The following NRXN1 variants were observed in gnomAD, a reference collection of about 807,000 sequenced individuals.
NRXN1 encodes the protein neurexin 1.
Under a neutral mutation model 150.9 loss-of-function variants are expected in NRXN1, and 39 were observed. That is an observed-to-expected ratio of 0.26 (90% CI 0.20 to 0.34). NRXN1 has a LOEUF of 0.34. Ranked by LOEUF, NRXN1 falls within the 10% of genes least tolerant of loss-of-function variation. NRXN1 has a pLI of 1.00. For missense variants in NRXN1, 1,815 were observed against 1,949.9 expected, an observed-to-expected ratio of 0.93 and a Z score of 1.30; for synonymous variants, 924 against 757.0, an observed-to-expected ratio of 1.22 and a Z score of -3.62.
At chr2:50,249,093 G>T (rs925829279) in intron 17 of NRXN1, among the ~76,000 whole-genome samples, 1 of 150,814 alleles carries the variant, frequency 6.6e-6, no homozygotes, top group African/African-American at 2.4e-5. Flanking sequence ...GGAGTTTAAG[G>T]CTGCAGTGAG....
intron 5 of NRXN1, among the ~76,000 whole-genome samples, chr2:50,664,685 T>C (rs1574021242): frequency 6.6e-6 from 1 of 151,628 alleles, no homozygotes; most frequent in Middle Eastern, 3.4e-3. Context: ...AACTCTGCCA[T>C]GAGTTTAAAA....
At chr2:50,430,159 A>G (rs2084844717) in intron 17 of NRXN1, among the ~76,000 whole-genome samples, 1 of 152,080 alleles carries the variant, frequency 6.6e-6, no homozygotes, top group Admixed American at 6.6e-5. Flanking sequence ...ATTGAACTCT[A>G]TTTTTGTCAT....
At chr2:50,934,112 C>T (rs1409392782) in intron 2 of NRXN1, among the ~76,000 whole-genome samples, 1 of 152,086 alleles carries the variant, frequency 6.6e-6, no homozygotes, top group Non-Finnish European at 1.5e-5. Context: ...CCTCCCTAAA[C>T]ATCAGTACCA....
intron 5 of NRXN1, among the ~76,000 whole-genome samples, chr2:50,666,878 G>GGT (rs1559097612): frequency 1.6e-5 from 2 of 128,780 alleles, no homozygotes; most frequent in African/African-American, 5.8e-5. Flanking sequence ...TGATGATGAT[G>GGT]ATGTGTGTGT....
rs151037864 is a variant in NRXN1, at chr2:50,993,238, G to A, written c.772+34264C>T. Reference sequence around the variant, plus strand: ...ATATTGGAAGATATCATTAATAGACGATAATCTAAGTCTTTCATTTTACAA... The same window carrying A: ...ATATTGGAAGATATCATTAATAGACAATAATCTAAGTCTTTCATTTTACAA... On this transcript the variant is annotated intron_variant, in intron 2 of 22. Coordinates refer to ENST00000401669, the MANE Select transcript of NRXN1 (RefSeq NM_001330078.2). Among the ~76,000 whole-genome samples the A allele has an allele frequency of 1.8e-4, 28 of 151,966 alleles. No individual in the cohort carries two copies. In the East Asian group the frequency reaches 2.5e-3, roughly 14 times the overall value.
At chr2:50,728,091 G>C (rs1031897417) in intron 5 of NRXN1, among the ~76,000 whole-genome samples, 1 of 152,104 alleles carries the variant, frequency 6.6e-6, no homozygotes, top group Non-Finnish European at 1.5e-5. Context: ...GATGCAAATA[G>C]CATACTGTTA....
chr2:50,743,807 A>G (rs1308861058), intron 5 of NRXN1, among the ~76,000 whole-genome samples: 1 of 152,180 alleles, frequency 6.6e-6, no homozygotes, highest in Non-Finnish European at 1.5e-5. Context: ...TGACTACTTT[A>G]TACTGAATTT....
chr2:50,006,175 T>TAA (rs1413708631), intron 21 of NRXN1, among the ~76,000 whole-genome samples: 1 of 152,132 alleles, frequency 6.6e-6, no homozygotes, highest in Non-Finnish European at 1.5e-5. Context: ...AATGGCCAAT[T>TAA]AATTCCTCTT....
At chr2:50,302,378 T>C (rs1374732888) in intron 17 of NRXN1, among the ~76,000 whole-genome samples, 1 of 152,192 alleles carries the variant, frequency 6.6e-6, no homozygotes, top group Non-Finnish European at 1.5e-5. Flanking sequence ...ATGAATAATT[T>C]AATCAATTAA....
intron 18 of NRXN1, among the ~76,000 whole-genome samples, chr2:50,161,925 T>C (rs954482477): frequency 2.6e-5 from 4 of 152,140 alleles, no homozygotes; most frequent in African/African-American, 7.2e-5. Context: ...AACACTCTGC[T>C]AATTGAATTT....
At chr2:50,483,858 T>C (rs954494848) in intron 15 of NRXN1, among the ~76,000 whole-genome samples, 1 of 152,228 alleles carries the variant, frequency 6.6e-6, no homozygotes, top group Non-Finnish European at 1.5e-5. Flanking sequence ...GCAGAACTTA[T>C]GTAAAGCTGT....
chr2:50,171,184 C>T (rs1004191630), intron 18 of NRXN1, among the ~76,000 whole-genome samples: 10 of 151,446 alleles, frequency 6.6e-5, no homozygotes. Context: ...GCAGAAGAAA[C>T]TCTATGTATA....
At chr2:50,871,394 C>T (rs920701393) in intron 5 of NRXN1, among the ~76,000 whole-genome samples, 1 of 151,772 alleles carries the variant, frequency 6.6e-6, no homozygotes, top group African/African-American at 2.4e-5. Flanking sequence ...GGCTTTCTTT[C>T]AATTTATTCA....
chr2:50,768,708 T>C (rs1306017359), intron 5 of NRXN1, among the ~76,000 whole-genome samples: 1 of 152,040 alleles, frequency 6.6e-6, no homozygotes, highest in Non-Finnish European at 1.5e-5. Flanking sequence ...GAAGATGCTA[T>C]GTGGAAGGGA....
Position 49,921,862 on chromosome 2 carries a change from A to C in NRXN1, c.*82T>G. The C allele has an allele frequency of 1.4e-6, 2 of 1,415,250 alleles. No homozygotes were observed. Among genetic ancestry groups the C allele is most frequent in the South Asian group, 2.5e-5 (2 of 79,648 alleles). The allele number at this position is 1,415,250 out of a possible 1,614,324, so 87.7% of individuals were successfully genotyped here. ...GTCTTCTTTTGTATGTGCTTCATAA[A>C]AAGGAAAGTAAATAAGTTTATATTA... On this transcript the variant is annotated 3_prime_UTR_variant, in exon 23 of 23. Transcript: ENST00000401669.
At chr2:50,863,377 A>G (rs1676415721) in intron 5 of NRXN1, among the ~76,000 whole-genome samples, 1 of 151,986 alleles carries the variant, frequency 6.6e-6, no homozygotes. Flanking sequence ...GGTCCTCAAG[A>G]CACTTCCAAA....
At chr2:50,154,610 A>G (rs564990964) in intron 18 of NRXN1, among the ~76,000 whole-genome samples, 9 of 151,670 alleles carry the variant, frequency 5.9e-5, no homozygotes, top group African/African-American at 2.2e-4. Context: ...ATATTATAGT[A>G]CTTCAATAAA....
chr2:50,288,448 G>C (rs1441407071), intron 17 of NRXN1, among the ~76,000 whole-genome samples: 1 of 152,078 alleles, frequency 6.6e-6, no homozygotes, highest in Non-Finnish European at 1.5e-5. Flanking sequence ...ATGACTTAAA[G>C]GGAGATAAAA....
intron 2 of NRXN1, among the ~76,000 whole-genome samples, chr2:50,954,225 C>T (rs1281553287): frequency 6.6e-6 from 1 of 152,144 alleles, no homozygotes; most frequent in East Asian, 1.9e-4. Flanking sequence ...TTTCTTTCTT[C>T]AAATGAAAGT....
Sources: gnomAD v4.1 joint callset for allele counts (sites outside exome capture counted in the v4.1 genomes callset) on GRCh38, gnomAD v4.1.1 for gene constraint, MANE v1.5 for transcripts, NCBI Gene and HGNC (gene_info 2026-07-23, HGNC 2026-07-21) for gene names.